The following FBXO11 variants were observed in gnomAD, a reference collection of about 807,000 sequenced individuals.
FBXO11 encodes F-box protein 11, also known as F-box only protein 11.
Under a neutral mutation model 117.0 loss-of-function variants are expected in FBXO11, and 13 were observed. The observed-to-expected ratio is 0.11, with a 90% CI of 0.07 to 0.18. FBXO11 has a LOEUF of 0.18. FBXO11 is among the 10% of genes least tolerant of loss of function. The probability of loss-of-function intolerance (pLI) is 1.00; values close to 1 mark genes in which losing one functional copy is unlikely to be tolerated. For missense variants in FBXO11, 767 were observed against 1,164.4 expected, an observed-to-expected ratio of 0.66 and a Z score of 4.97; for synonymous variants, 490 against 380.5, an observed-to-expected ratio of 1.29 and a Z score of -3.35.
chr2:47,843,098 T>G (rs1204685218), intron 1 of FBXO11, among the ~76,000 whole-genome samples: 1 of 152,226 alleles, frequency 6.6e-6, no homozygotes, highest in African/African-American at 2.4e-5. Flanking sequence ...CTTGTAAATT[T>G]TCCATGTACT....
intron 1 of FBXO11, among the ~76,000 whole-genome samples, chr2:47,887,467 C>G (rs1371490640): frequency 6.6e-6 from 1 of 152,008 alleles, no homozygotes; most frequent in Non-Finnish European, 1.5e-5. Flanking sequence ...GTGGCTTATA[C>G]CTGTAATCCC....
intron 1 of FBXO11, among the ~76,000 whole-genome samples, chr2:47,850,955 CATACA>C (rs1277263135): frequency 6.6e-6 from 1 of 152,122 alleles, no homozygotes; most frequent in African/African-American, 2.4e-5. Context: ...TCATAAAATA[CATACA>C]ATAATTTTCT....
At chr2:47,838,714 T>C in intron 4 of FBXO11, 145 bp downstream of exon 4, 1 of 657,754 alleles carries the variant, frequency 1.5e-6, no homozygotes, top group Non-Finnish European at 2.5e-6. Context: ...ACAGCCCCCA[T>C]TTGTAACTTG....
intron 1 of FBXO11, among the ~76,000 whole-genome samples, chr2:47,875,092 G>A (rs78972483): frequency 0.15 from 23,120 of 151,988 alleles, 1,892 homozygotes; most frequent in Non-Finnish European, 0.18. Flanking sequence ...ATTGGCGTAT[G>A]GAACAGCAAT....
At chr2:47,898,995 C>T (rs978499140) in intron 1 of FBXO11, among the ~76,000 whole-genome samples, 18 of 151,934 alleles carry the variant, frequency 1.2e-4, no homozygotes, top group African/African-American at 4.3e-4. Flanking sequence ...TATAAGGGGG[C>T]CAGGCACGGT....
At chr2:47,879,620 T>C (rs1676291000) in intron 1 of FBXO11, among the ~76,000 whole-genome samples, 1 of 152,230 alleles carries the variant, frequency 6.6e-6, no homozygotes, top group African/African-American at 2.4e-5. Context: ...AGTTTCCAAG[T>C]ACTTACTGCA....
intron 1 of FBXO11, among the ~76,000 whole-genome samples, chr2:47,891,644 G>T (rs1677265547): frequency 1.3e-5 from 2 of 152,212 alleles, no homozygotes; most frequent in African/African-American, 4.8e-5. Flanking sequence ...CTTGGAAGAA[G>T]AATTGCTGGA....
Position 47,807,491 on chromosome 2 carries a change from G to GTGTT in FBXO11, c.*623_*626dup, listed in dbSNP as rs1477681285. On this transcript the variant is annotated 3_prime_UTR_variant, in exon 23 of 23. Transcript: ENST00000403359. ...CATTGCTGGATATAATTTAAGATTA[G>GTGTT]TGTTTTCTCTTTCATAGAAAGAACG... The GTGTT allele has an allele frequency of 9.6e-6, 2 of 207,268 alleles. No individual in the cohort carries two copies. The highest frequency in any genetic ancestry group is 4.6e-5 in the African/African-American group (2 of 43,904). The allele number at this position is 207,268 out of a possible 1,614,324, so 12.8% of individuals were successfully genotyped here.
At chr2:47,881,084 T>C (rs1228072698) in intron 1 of FBXO11, among the ~76,000 whole-genome samples, 1 of 152,202 alleles carries the variant, frequency 6.6e-6, no homozygotes, top group East Asian at 1.9e-4. Context: ...GAAACCCGTC[T>C]CTACTAAAAA....
intron 1 of FBXO11, among the ~76,000 whole-genome samples, chr2:47,875,463 C>T (rs1400530135): frequency 6.7e-6 from 1 of 149,710 alleles, no homozygotes; most frequent in Non-Finnish European, 1.5e-5. Flanking sequence ...CATCTTCCAT[C>T]TTCCTTCTAG....
chr2:47,834,593 G>A lies in FBXO11; in HGVS notation c.920C>T (p.Thr307Ile), dbSNP rs773962697. The change falls in exon 7 of 23, where the codon ACC becomes ATC. Residue 307 changes from threonine (T) to isoleucine (I), a missense_variant. Coordinates refer to ENST00000403359, the MANE Select transcript of FBXO11 (RefSeq NM_001190274.2). ...DEWIYIESPI[T>I]MIGAAPGKVA... is the part of the protein sequence containing the mutation. ...TTTCAAAATACCTGCACCAATCATG[G>A]TGATTGGAGATTCAATATATATCCA... 1 of 1,576,240 alleles carries A rather than the reference G, an allele frequency of 6.3e-7. No homozygotes were observed. The highest frequency in any genetic ancestry group is 1.2e-5 in the South Asian group (1 of 83,862).
chr2:47,850,543 A>G (rs764380026), intron 1 of FBXO11, among the ~76,000 whole-genome samples: 2 of 152,228 alleles, frequency 1.3e-5, no homozygotes, highest in Non-Finnish European at 2.9e-5. Flanking sequence ...AGAGGCAGCC[A>G]TATGATGTAA....
At chr2:47,870,356 G>A (rs1188803876) in intron 1 of FBXO11, among the ~76,000 whole-genome samples, 1 of 152,082 alleles carries the variant, frequency 6.6e-6, no homozygotes, top group African/African-American at 2.4e-5. Flanking sequence ...CTCTTAAAAT[G>A]GTATTATGTC....
In FBXO11 at chr2:47,815,739, G is replaced by A. The variant is rs575339215; in HGVS notation, c.2007-1872C>T. On this transcript the variant is annotated intron_variant, in intron 16 of 22. Transcript: ENST00000403359. The stretch of plus-strand genomic sequence containing the variant: ...TTCATAGAGTTCTTCAGCTGAGGGC[G>A]TAAGAATCCCAGATGTAAGGTTAGC... Among the ~76,000 whole-genome samples, 7 of 152,302 alleles carry A rather than the reference G, an allele frequency of 4.6e-5. No homozygotes were observed. The South Asian group carries it at 6.2e-4, about 14-fold the overall frequency.
At chr2:47,893,398 G>A (rs569926771) in intron 1 of FBXO11, among the ~76,000 whole-genome samples, 45 of 152,070 alleles carry the variant, frequency 3.0e-4, no homozygotes, top group African/African-American at 1.0e-3. Context: ...AGGATAAACA[G>A]ATCTGTGTAT....
At chr2:47,890,820 A>T (rs552645173) in intron 1 of FBXO11, among the ~76,000 whole-genome samples, 5 of 151,948 alleles carry the variant, frequency 3.3e-5, no homozygotes, top group Admixed American at 3.3e-4. Context: ...AGAAAAAAAA[A>T]AATATTATTA....
At chr2:47,816,232 C>T (rs1173883902) in intron 16 of FBXO11, among the ~76,000 whole-genome samples, 1 of 152,142 alleles carries the variant, frequency 6.6e-6, no homozygotes, top group Non-Finnish European at 1.5e-5. Context: ...CAGGCTGGAG[C>T]ACAGTGGTAT....
intron 1 of FBXO11, among the ~76,000 whole-genome samples, chr2:47,867,488 A>T (rs2103800137): frequency 6.6e-6 from 1 of 152,360 alleles, no homozygotes; most frequent in East Asian, 1.9e-4. Flanking sequence ...AGGGGTCAGG[A>T]AGTGCCAGAT....
intron 11 of FBXO11, among the ~76,000 whole-genome samples, chr2:47,829,206 T>G (rs1671999831): frequency 1.3e-5 from 2 of 151,836 alleles, no homozygotes; most frequent in South Asian, 4.1e-4. Context: ...CAAAAAATTT[T>G]ATAGTTATTT....
Sources: allele counts gnomAD v4.1 joint callset (sites outside exome capture counted in the v4.1 genomes callset), GRCh38; gene constraint gnomAD v4.1.1; transcripts MANE v1.5; gene names NCBI Gene and HGNC (gene_info 2026-07-23, HGNC 2026-07-21).